Variants in DNAH17 observed in about 807,000 individuals in gnomAD.
DNAH17 encodes axonemal beta dynein heavy chain 17.
In DNAH17, 376 loss-of-function variants were observed where a neutral mutation model predicts 485.6. That is an observed-to-expected ratio of 0.77 (90% CI 0.71 to 0.84). The LOEUF is 0.84. Ranked by LOEUF, DNAH17 falls within the 40% of genes least tolerant of loss-of-function variation. DNAH17 has a pLI of 0.00. For synonymous variants in DNAH17, 3,031 were observed against 2,405.9 expected (o/e 1.26, Z -7.60); for missense variants, 6,370 against 5,839.3 (o/e 1.09, Z -2.96).
At chr17:78,448,147 G>A (rs1250656567) in intron 69 of DNAH17, among the ~76,000 whole-genome samples, 3 of 151,598 alleles carry the variant, frequency 2.0e-5, no homozygotes, top group Non-Finnish European at 2.9e-5. Context: ...ACCCCAGCCC[G>A]GGCAACAAGA....
intron 55 of DNAH17, among the ~76,000 whole-genome samples, chr17:78,468,027 AAAAAAAGAG>A (rs1393415981): frequency 9.6e-6 from 1 of 104,336 alleles, no homozygotes; most frequent in South Asian, 3.4e-4. Context: ...AAAAAAAAAA[AAAAAAAGAG>A]AGAGAGAGAG....
At chr17:78,552,086 C>T (rs1257309343) in intron 15 of DNAH17, among the ~76,000 whole-genome samples, 1 of 152,112 alleles carries the variant, frequency 6.6e-6, no homozygotes, top group Non-Finnish European at 1.5e-5. Flanking sequence ...GAAGAAATCG[C>T]TGGGCGTTCT....
At chr17:78,477,372 AT>A (rs111240489) in intron 51 of DNAH17, among the ~76,000 whole-genome samples, 19,976 of 147,688 alleles carry the variant, frequency 0.14, 1,933 homozygotes, top group African/African-American at 0.27. Flanking sequence ...CTGATACTTT[AT>A]TTTTTTTTTT....
At chr17:78,443,051 G>A (rs1346049296) in intron 71 of DNAH17, among the ~76,000 whole-genome samples, 5 of 152,204 alleles carry the variant, frequency 3.3e-5, no homozygotes, top group Admixed American at 1.3e-4. Context: ...GATGATCTGC[G>A]CTCATGGGTG....
intron 37 of DNAH17, 116 bp downstream of exon 37, chr17:78,498,892 C>A: frequency 2.7e-6 from 2 of 750,394 alleles, no homozygotes; most frequent in African/African-American, 1.8e-5. Flanking sequence ...CACCACCCTT[C>A]GGTGCTTGGA....
chr17:78,522,524 G>T, intron 25 of DNAH17: 1 of 315,162 alleles, frequency 3.2e-6, no homozygotes, highest in South Asian at 2.9e-5. Context: ...ACAAGACCCT[G>T]AAGATCTGCC....
At chr17:78,520,528 G>C (rs553791590) in intron 25 of DNAH17, among the ~76,000 whole-genome samples, 1 of 152,270 alleles carries the variant, frequency 6.6e-6, no homozygotes, top group South Asian at 2.1e-4. Context: ...AAGGCCACAA[G>C]AGAAAAACAA....
In DNAH17 at chr17:78,455,081, C is replaced by T. The variant is rs146463264; in HGVS notation, c.10171-376G>A. Among the ~76,000 whole-genome samples, 139 of 152,088 alleles carry T rather than the reference C, an allele frequency of 9.1e-4. 1 individual carries two copies. The East Asian group carries it at 0.025, about 28-fold the overall frequency. On this transcript the variant is annotated intron_variant, in intron 63 of 80. Coordinates refer to ENST00000389840, the MANE Select transcript of DNAH17 (RefSeq NM_173628.4). Reference sequence around the variant, plus strand: ...CCCGCCACCATGCCCAGCTAATTTTCGTAGTTTTAGTAGAGACGAGGTTTC... The same window carrying T: ...CCCGCCACCATGCCCAGCTAATTTTTGTAGTTTTAGTAGAGACGAGGTTTC...
At position 78,496,035 on chromosome 17, in the gene DNAH17, G is replaced by A; in HGVS notation, c.5746-3C>T. 6.2e-7 allele frequency: 1 copy of A among 1,611,168 alleles called. No homozygotes were observed. Among genetic ancestry groups the A allele is most frequent in the East Asian group, 2.2e-5 (1 of 44,792 alleles). On this transcript the variant is annotated splice_polypyrimidine_tract_variant and splice_region_variant and intron_variant, in intron 37 of 80. Transcript: ENST00000389840. ...ATTGCATCCTGGACACATTTTACCT[G>A]CACGGTTGGTGACACAGACATGTTA...
intron 74 of DNAH17, 84 bp from the exon 75 acceptor site, chr17:78,434,304 C>T: frequency 7.3e-7 from 1 of 1,379,196 alleles, no homozygotes; most frequent in Non-Finnish European, 9.8e-7. Context: ...AGCGTCCAGC[C>T]CTTGCCAGAT....
chr17:78,426,559 C>T lies in DNAH17; in HGVS notation c.12813G>A (p.Thr4271=), dbSNP rs140610113. ...CAGGCACGGTGTCATAGAAGAGAGC[C>T]GTGGACAGATCTTCCACGTCGGTCG... ...TITTDVEDLS[T]ALFYDTVPDT... Residue 4271 remains threonine (T), a synonymous_variant, in exon 79 of 81, where the codon ACG becomes ACA. Transcript: ENST00000389840. 215 of 1,613,230 alleles carry T rather than the reference C, an allele frequency of 1.3e-4. No individual in the cohort carries two copies. Among genetic ancestry groups the T allele is most frequent in the South Asian group, 9.7e-4 (88 of 90,964 alleles).
chr17:78,496,106 T>C, intron 37 of DNAH17, 74 bp from the exon 38 acceptor site: 3 of 1,487,216 alleles, frequency 2.0e-6, no homozygotes, highest in Non-Finnish European at 2.7e-6. Flanking sequence ...CCTTCACATA[T>C]GTTAAAGCAT....
intron 71 of DNAH17, among the ~76,000 whole-genome samples, chr17:78,442,894 C>T (rs1049680637): frequency 9.2e-5 from 14 of 152,212 alleles, no homozygotes; most frequent in African/African-American, 2.9e-4. Context: ...GTGCCTGACA[C>T]GAGACACCCT....
intron 74 of DNAH17, among the ~76,000 whole-genome samples, chr17:78,437,298 C>T (rs2086880194): frequency 1.3e-5 from 2 of 152,150 alleles, no homozygotes; most frequent in Admixed American, 1.3e-4. Context: ...GAGCTTGGCC[C>T]CATTTCCAAG....
chr17:78,514,752 C>G (rs752648902), intron 26 of DNAH17, 22 bp downstream of exon 26: 1 of 1,609,896 alleles, frequency 6.2e-7, no homozygotes, highest in Non-Finnish European at 8.5e-7. Flanking sequence ...CGGTCCCCTC[C>G]GCCCACCATG....
Position 78,499,056 on chromosome 17 carries a change from G to A in DNAH17, c.5697C>T (p.Asp1899=), listed in dbSNP as rs1271735019. The A allele has an allele frequency of 1.1e-5, 18 of 1,610,190 alleles. No homozygotes were observed. The highest frequency in any genetic ancestry group is 1.6e-4 in the Middle Eastern group (1 of 6,066). Residue 1899 remains aspartate (D), a synonymous_variant, in exon 37 of 81, where the codon GAC becomes GAT. Transcript: ENST00000389840. Reference sequence around the variant, plus strand: ...CTTCCACTGAGATGCGATTAAACTCGTCAAAGCAGCCCCAGGCTCCCGTCT... The same window carrying A: ...CTTCCACTGAGATGCGATTAAACTCATCAAAGCAGCCCCAGGCTCCCGTCT... ...LAQTGAWGCF[D]EFNRISVEVL... is the part of the protein sequence containing the mutation.
Position 78,561,697 on chromosome 17 carries a change from C to T in DNAH17, c.1835+18G>A. The T allele has an allele frequency of 6.3e-7, 1 of 1,590,090 alleles. No homozygotes were observed. The highest frequency in any genetic ancestry group is 1.7e-5 in the Admixed American group (1 of 58,708). On this transcript the variant is annotated intron_variant, in intron 12 of 80. Coordinates refer to ENST00000389840, the MANE Select transcript of DNAH17 (RefSeq NM_173628.4). Reference sequence around the variant, plus strand: ...CATGGAGGCGGGGTGCCTGCCCCTGCCCAGGGCTGTGACTCACGGGTGTTC... The same window carrying T: ...CATGGAGGCGGGGTGCCTGCCCCTGTCCAGGGCTGTGACTCACGGGTGTTC...
intron 53 of DNAH17, 53 bp from the exon 54 acceptor site, chr17:78,475,522 T>A: frequency 6.2e-7 from 1 of 1,611,448 alleles, no homozygotes; most frequent in South Asian, 1.1e-5. Context: ...GAATCACCTC[T>A]GTCACCAGCA....
At chr17:78,560,199 T>TA (rs1258623538) in intron 13 of DNAH17, among the ~76,000 whole-genome samples, 3 of 152,144 alleles carry the variant, frequency 2.0e-5, no homozygotes, top group Admixed American at 1.3e-4. Context: ...CACATACATG[T>TA]AGTAGGTGCT....
Sources: gnomAD v4.1 joint callset for allele counts (sites outside exome capture counted in the v4.1 genomes callset) on GRCh38, gnomAD v4.1.1 for gene constraint, MANE v1.5 for transcripts, NCBI Gene and HGNC (gene_info 2026-07-23, HGNC 2026-07-21) for gene names.